Variants in KCNH8 observed in about 807,000 individuals in gnomAD.
KCNH8 encodes voltage-gated delayed rectifier potassium channel KCNH8.
In KCNH8, 70 loss-of-function variants were observed where a neutral mutation model predicts 103.6. The observed-to-expected ratio is 0.68, with a 90% confidence interval of 0.56 to 0.82. The LOEUF is 0.82. Ranked by LOEUF, KCNH8 falls within the 40% of genes least tolerant of loss-of-function variation. The pLI, the probability that KCNH8 is intolerant of heterozygous loss-of-function variation, is 0.00. For missense variants in KCNH8, 1,217 were observed against 1,329.9 expected (o/e 0.92, Z 1.32); for synonymous variants, 498 against 489.4 (o/e 1.02, Z -0.23).
intron 3 of KCNH8, among the ~76,000 whole-genome samples, chr3:19,319,062 T>G (rs2065315309): frequency 6.6e-6 from 1 of 152,068 alleles, no homozygotes; most frequent in South Asian, 2.1e-4. Context: ...TTCTGGATAT[T>G]AGTACTTTGT....
intron 1 of KCNH8, among the ~76,000 whole-genome samples, chr3:19,179,603 T>C (rs2063431813): frequency 6.6e-6 from 1 of 152,166 alleles, no homozygotes; most frequent in African/African-American, 2.4e-5. Flanking sequence ...TGCAGAGAGT[T>C]TAACAGAATG....
At position 19,388,952 on chromosome 3, in the gene KCNH8, C is replaced by G. The variant is rs1208670897; in HGVS notation, c.812-1529C>G. On this transcript the variant is annotated intron_variant, in intron 5 of 15. Transcript: ENST00000328405. ...AAGGAGATAATAGAAATGATTACCT[C>G]TTAGCATTGTTGTAAGGCATCAATG... is the stretch of plus-strand genomic sequence containing the variant. 3.3e-5 allele frequency among the ~76,000 whole-genome samples: 5 copies of G among 152,226 alleles called. No individual in the cohort carries two copies. The East Asian group carries it at 9.7e-4, about 29-fold the overall frequency.
intron 9 of KCNH8, 56 bp downstream of exon 9, chr3:19,450,361 C>T (rs749269358): frequency 8.5e-5 from 116 of 1,364,370 alleles, no homozygotes; most frequent in Middle Eastern, 5.3e-4. Flanking sequence ...CTAAGGTAAA[C>T]GCAAGATGTT....
chr3:19,270,638 A>G (rs927493065), intron 2 of KCNH8, among the ~76,000 whole-genome samples: 3 of 152,072 alleles, frequency 2.0e-5, no homozygotes, highest in Non-Finnish European at 4.4e-5. Flanking sequence ...GTTGAGGAAG[A>G]TGTCTGTTTT....
intron 1 of KCNH8, among the ~76,000 whole-genome samples, chr3:19,172,735 C>G (rs951514482): frequency 6.6e-6 from 1 of 152,206 alleles, no homozygotes; most frequent in African/African-American, 2.4e-5. Flanking sequence ...CACAGCTGAA[C>G]AAGTAGCAGA....
intron 2 of KCNH8, among the ~76,000 whole-genome samples, chr3:19,268,495 G>A (rs2064544427): frequency 6.6e-6 from 1 of 152,118 alleles, no homozygotes; most frequent in Non-Finnish European, 1.5e-5. Flanking sequence ...GGTAAACCAA[G>A]TTAGATCACT....
intron 1 of KCNH8, among the ~76,000 whole-genome samples, chr3:19,222,829 G>A (rs943754473): frequency 6.6e-6 from 1 of 152,084 alleles, no homozygotes; most frequent in Admixed American, 6.5e-5. Flanking sequence ...ATGAAAGAAA[G>A]CCTCTACATT....
At chr3:19,450,374 A>C in intron 9 of KCNH8, 69 bp downstream of exon 9, 1 of 1,214,654 alleles carries the variant, frequency 8.2e-7, no homozygotes, top group Non-Finnish European at 1.2e-6. Context: ...AAGATGTTCT[A>C]ATGCAGGTAT....
chr3:19,258,087 T>C (rs1489667910), intron 2 of KCNH8, among the ~76,000 whole-genome samples: 1 of 152,020 alleles, frequency 6.6e-6, no homozygotes, highest in East Asian at 1.9e-4. Flanking sequence ...ATGACCTCCT[T>C]TTAACTTGAT....
intron 1 of KCNH8, among the ~76,000 whole-genome samples, chr3:19,215,648 C>T (rs2063811028): frequency 1.3e-5 from 2 of 152,222 alleles, no homozygotes; most frequent in Non-Finnish European, 2.9e-5. Flanking sequence ...CTCAATGCTA[C>T]TTACTAGAGT....
At chr3:19,362,642 TCA>T (rs1308489767) in intron 5 of KCNH8, among the ~76,000 whole-genome samples, 1 of 152,086 alleles carries the variant, frequency 6.6e-6, no homozygotes, top group Non-Finnish European at 1.5e-5. Flanking sequence ...CTGTATTTCC[TCA>T]GTATTTGTTT....
At chr3:19,172,959 CTGAGTTAGGTTAATTAAAGGAATAAAAG>C (rs1431882128) in intron 1 of KCNH8, among the ~76,000 whole-genome samples, 27 of 152,056 alleles carry the variant, frequency 1.8e-4, no homozygotes, top group African/African-American at 5.5e-4. Context: ...GAAAAAAAAT[CTGAGTTAGGTTAATTAAAGGAATAAAAG>C]TGAGTTAGGT....
At chr3:19,369,028 G>T (rs2066050978) in intron 5 of KCNH8, among the ~76,000 whole-genome samples, 1 of 151,786 alleles carries the variant, frequency 6.6e-6, no homozygotes, top group Non-Finnish European at 1.5e-5. Context: ...GAGCCAAATT[G>T]CATGATAATA....
intron 7 of KCNH8, among the ~76,000 whole-genome samples, chr3:19,410,734 T>C (rs188652927): frequency 6.6e-6 from 1 of 152,158 alleles, no homozygotes; most frequent in Admixed American, 6.6e-5. Flanking sequence ...TGAACACCTC[T>C]GTGGACACAA....
At chr3:19,211,583 C>T (rs1459357710) in intron 1 of KCNH8, among the ~76,000 whole-genome samples, 1 of 152,022 alleles carries the variant, frequency 6.6e-6, no homozygotes, top group Non-Finnish European at 1.5e-5. Flanking sequence ...ATTTTTTTTA[C>T]TCAGGAAAAA....
At chr3:19,300,601 T>C (rs1051027410) in intron 3 of KCNH8, among the ~76,000 whole-genome samples, 4 of 152,158 alleles carry the variant, frequency 2.6e-5, no homozygotes, top group African/African-American at 9.7e-5. Context: ...TATTTAGAAA[T>C]TTAATTTTCA....
chr3:19,253,232 T>C (rs1488345252), intron 1 of KCNH8, among the ~76,000 whole-genome samples: 1 of 152,166 alleles, frequency 6.6e-6, no homozygotes, highest in African/African-American at 2.4e-5. Flanking sequence ...GCTCAAATCT[T>C]AGTCTCAGAA....
At chr3:19,155,778 A>G (rs577719833) in intron 1 of KCNH8, among the ~76,000 whole-genome samples, 6 of 152,350 alleles carry the variant, frequency 3.9e-5, no homozygotes, top group African/African-American at 1.4e-4. Context: ...AAGTTACATG[A>G]CATTTCCCCT....
chr3:19,341,129 C>G, intron 3 of KCNH8, among the ~76,000 whole-genome samples: 1 of 152,056 alleles, frequency 6.6e-6, no homozygotes, highest in East Asian at 1.9e-4. Context: ...CCTGACAGCA[C>G]TAGGGAGGGG....
Sources: allele counts gnomAD v4.1 joint callset (sites outside exome capture counted in the v4.1 genomes callset), GRCh38; gene constraint gnomAD v4.1.1; transcripts MANE v1.5; gene names NCBI Gene and HGNC (gene_info 2026-07-23, HGNC 2026-07-21).